Variants in BIRC6 observed in about 807,000 individuals in gnomAD.
The protein encoded by BIRC6 is dual E2 ubiquitin-conjugating enzyme/E3 ubiquitin-protein ligase BIRC6.
In BIRC6, 98 loss-of-function variants were observed where a neutral mutation model predicts 503.3. The ratio of observed to expected loss-of-function variants is 0.19; its 90% CI spans 0.17 to 0.23. BIRC6 has a LOEUF of 0.23. BIRC6 is among the 10% of genes least tolerant of loss of function. BIRC6 has a pLI of 1.00. For synonymous variants in BIRC6, 2,240 were observed against 2,078.7 expected (o/e 1.08, Z -2.11); for missense variants, 5,360 against 5,806.0 (o/e 0.92, Z 2.50).
chr2:32,542,522 T>C (rs891623881), intron 61 of BIRC6, among the ~76,000 whole-genome samples: 6 of 152,208 alleles, frequency 3.9e-5, no homozygotes, highest in Non-Finnish European at 8.8e-5. Flanking sequence ...AGAATATTTT[T>C]CCTTATAGCT....
At chr2:32,412,167 G>C (rs768980058) in intron 9 of BIRC6, among the ~76,000 whole-genome samples, 14 of 152,100 alleles carry the variant, frequency 9.2e-5, no homozygotes, top group Non-Finnish European at 1.9e-4. Context: ...TTCTGAGACT[G>C]TACTACTTTT....
chr2:32,480,621 CTTTTTTTTTTTTTTTT>C (rs560251664), intron 37 of BIRC6, among the ~76,000 whole-genome samples: 36 of 60,736 alleles, frequency 5.9e-4, no homozygotes, highest in East Asian at 4.9e-3. Context: ...AGGTAAATGG[CTTTTTTTTTTTTTTTT>C]TTTTTTTTTT....
intron 66 of BIRC6, among the ~76,000 whole-genome samples, chr2:32,590,581 C>T (rs1393503661): frequency 6.6e-6 from 1 of 152,090 alleles, no homozygotes; most frequent in African/African-American, 2.4e-5. Flanking sequence ...CTGGTAGAGG[C>T]AGTTCAATAT....
At chr2:32,546,939 C>T (rs538105242) in intron 63 of BIRC6, among the ~76,000 whole-genome samples, 1 of 152,172 alleles carries the variant, frequency 6.6e-6, no homozygotes, top group East Asian at 1.9e-4. Context: ...ATTAGCCGGG[C>T]CTGGTGGCTC....
At chr2:32,496,785 A>G (rs1003326629) in intron 45 of BIRC6, among the ~76,000 whole-genome samples, 3 of 152,112 alleles carry the variant, frequency 2.0e-5, no homozygotes, top group Non-Finnish European at 4.4e-5. Flanking sequence ...GTTTGGGCAG[A>G]TGTATTGCTT....
chr2:32,544,580 G>A (rs189854157), intron 62 of BIRC6, among the ~76,000 whole-genome samples: 9 of 150,530 alleles, frequency 6.0e-5, no homozygotes, highest in Admixed American at 4.0e-4. Context: ...AAATCACATG[G>A]TTTTGATTAG....
chr2:32,453,278 C>T (rs778170351), intron 22 of BIRC6, among the ~76,000 whole-genome samples: 25 of 152,110 alleles, frequency 1.6e-4, no homozygotes, highest in Non-Finnish European at 7.4e-5. Context: ...TAGTGTGCCT[C>T]ATTCTATAAA....
At chr2:32,521,440 C>G (rs2055681643) in intron 57 of BIRC6, among the ~76,000 whole-genome samples, 1 of 144,000 alleles carries the variant, frequency 6.9e-6, no homozygotes, top group Admixed American at 7.1e-5. Flanking sequence ...AGGAAGTGAC[C>G]TATTATTTTT....
intron 42 of BIRC6, among the ~76,000 whole-genome samples, chr2:32,489,504 T>TA (rs1254377766): frequency 6.6e-6 from 1 of 151,726 alleles, no homozygotes; most frequent in Non-Finnish European, 1.5e-5. Flanking sequence ...ATATAAAAAA[T>TA]AAAAGAGTAA....
chr2:32,467,591 C>G lies in BIRC6; in HGVS notation c.5423C>G (p.Thr1808Ser). 6.2e-7 allele frequency: 1 copy of G among 1,613,922 alleles called. No individual in the cohort carries two copies. The highest frequency in any genetic ancestry group is 1.1e-5 in the South Asian group (1 of 91,080). The change falls in exon 27 of 74, where the codon ACT (threonine) becomes AGT (serine). Residue 1808 changes from threonine to serine, a missense_variant. By Grantham distance (58) the Thr-to-Ser change is moderately conservative. Around this residue, in one of 16 missense-constraint regions of BIRC6, gnomAD observed 2,299 missense variants for 2,267.2 expected, o/e 1.01. Transcript: ENST00000421745. ...TTGTTGACTGATGTATTGATTCCCA[C>G]TTGTGGAGACTTGGCCTCTTTGTCA... is the stretch of plus-strand genomic sequence containing the variant. ...PILLTDVLIP[T>S]CGDLASLSID...
chr2:32,406,705 G>T, intron 9 of BIRC6, 148 bp downstream of exon 9: 1 of 555,822 alleles, frequency 1.8e-6, no homozygotes. Context: ...TTGTGTGTCA[G>T]AGATCTCAAA....
At chr2:32,576,316 CTTAGTA>C (rs1202729005) in intron 66 of BIRC6, among the ~76,000 whole-genome samples, 1 of 152,054 alleles carries the variant, frequency 6.6e-6, no homozygotes, top group Non-Finnish European at 1.5e-5. Flanking sequence ...TTGTTTACAC[CTTAGTA>C]GATTCAGAGG....
At chr2:32,519,994 C>T (rs2055475689) in intron 57 of BIRC6, among the ~76,000 whole-genome samples, 2 of 152,282 alleles carry the variant, frequency 1.3e-5, no homozygotes, top group South Asian at 4.1e-4. Flanking sequence ...CTGTTGTCAA[C>T]TTCTAAAATA....
chr2:32,514,331 G>T (rs1012785289), intron 54 of BIRC6, among the ~76,000 whole-genome samples: 2 of 152,114 alleles, frequency 1.3e-5, no homozygotes, highest in African/African-American at 4.8e-5. Flanking sequence ...TCTCAAAAAA[G>T]AACAAAAATG....
chr2:32,561,832 A>C (rs1037958522), intron 65 of BIRC6, among the ~76,000 whole-genome samples: 1 of 150,688 alleles, frequency 6.6e-6, no homozygotes, highest in African/African-American at 2.4e-5. Context: ...TCACGAGGTC[A>C]GGAGTTCGAG....
At chr2:32,416,235 A>AAAATTCATACTAG in intron 10 of BIRC6, 72 bp downstream of exon 10, 1 of 1,402,530 alleles carries the variant, frequency 7.1e-7, no homozygotes, top group African/African-American at 1.4e-5. Flanking sequence ...GTGCAAACCT[A>AAAATTCATACTAG]GTATGAATTT....
chr2:32,545,886 TTATTAAAAAAACTAGATTTAATTAGGGAG>T, intron 63 of BIRC6, 26 bp downstream of exon 63: 1 of 1,587,828 alleles, frequency 6.3e-7, no homozygotes, highest in Non-Finnish European at 8.6e-7. Flanking sequence ...ATTATTTCAG[TTATTAAAAAAACTAGATTTAATTAGGGAG>T]TACAGAATAA....
intron 61 of BIRC6, among the ~76,000 whole-genome samples, chr2:32,541,229 A>G (rs1015909368): frequency 6.6e-6 from 1 of 152,092 alleles, no homozygotes; most frequent in South Asian, 2.1e-4. Context: ...ATCTTTAAAA[A>G]TTTGCCTATA....
chr2:32,414,931 C>G lies in BIRC6; in HGVS notation c.1640C>G (p.Ser547Cys), dbSNP rs756116235. The G allele has an allele frequency of 1.9e-6, 3 of 1,613,894 alleles. No homozygotes were observed. The highest frequency in any genetic ancestry group is 2.2e-5 in the East Asian group (1 of 44,862). ...ELGANPCLTNSKSEKTKEKHQ... is the reference protein window; with the variant it reads ...ELGANPCLTNCKSEKTKEKHQ... Reference sequence around the variant, plus strand: ...GGGGCAAATCCTTGTTTAACAAACTCTAAGAGTGAAAAGACAAAGGAAAAG... The same window carrying G: ...GGGGCAAATCCTTGTTTAACAAACTGTAAGAGTGAAAAGACAAAGGAAAAG... Residue 547 changes from serine (S) to cysteine (C), a missense_variant, in exon 10 of 74, where the codon TCT becomes TGT. Around this residue, in one of 16 missense-constraint regions of BIRC6, gnomAD observed 700 missense variants for 739.3 expected, o/e 0.95. Transcript: ENST00000421745.
Sources: allele counts gnomAD v4.1 joint callset (sites outside exome capture counted in the v4.1 genomes callset), GRCh38; gene constraint gnomAD v4.1.1; regional missense constraint gnomAD v4.1.1; transcripts MANE v1.5; gene names NCBI Gene and HGNC (gene_info 2026-07-23, HGNC 2026-07-21).